EPHA3: variants seen among roughly 807,000 people sequenced by gnomAD.
EPHA3 encodes the protein ephrin type-A receptor 3.
EPHA3 carries 42 observed loss-of-function variants against 107.1 expected under a neutral mutation model. The ratio of observed to expected loss-of-function variants is 0.39; its 90% CI spans 0.31 to 0.51. The LOEUF is 0.51. Ranked by LOEUF, EPHA3 falls within the 20% of genes least tolerant of loss-of-function variation. The probability of loss-of-function intolerance (pLI) is 0.78; values close to 1 mark genes in which losing one functional copy is unlikely to be tolerated. For synonymous variants in EPHA3, 461 were observed against 424.8 expected (o/e 1.09, Z -1.05); for missense variants, 1,183 against 1,211.2 (o/e 0.98, Z 0.35).
At chr3:89,329,342 G>A (rs983485796) in intron 3 of EPHA3, among the ~76,000 whole-genome samples, 6 of 151,988 alleles carry the variant, frequency 3.9e-5, no homozygotes, top group Non-Finnish European at 7.4e-5. Flanking sequence ...CCAAGTCTGA[G>A]GTTATGTGAC....
At chr3:89,236,286 A>G (rs1023475706) in intron 3 of EPHA3, among the ~76,000 whole-genome samples, 3 of 152,112 alleles carry the variant, frequency 2.0e-5, no homozygotes, top group East Asian at 3.9e-4. Flanking sequence ...ATAAAGCACT[A>G]TTAAAACTAT....
chr3:89,307,261 C>T (rs1207374316), intron 3 of EPHA3, among the ~76,000 whole-genome samples: 2 of 152,164 alleles, frequency 1.3e-5, no homozygotes, highest in Non-Finnish European at 2.9e-5. Flanking sequence ...TTGTAGCCAG[C>T]ATCCATAACT....
intron 15 of EPHA3, among the ~76,000 whole-genome samples, chr3:89,453,696 G>C (rs1710041202): frequency 6.6e-6 from 1 of 151,958 alleles, no homozygotes; most frequent in African/African-American, 2.4e-5. Flanking sequence ...TAGAAAATTT[G>C]CTTTCCTACT....
chr3:89,399,424 C>G lies in EPHA3; in HGVS notation c.1538C>G (p.Thr513Arg), dbSNP rs2107508419. ...TIYVFQIRAR[T>R]AAGYGTNSRK... ...TACGTATTCCAAATCCGAGCCCGAA[C>G]AGCCGCTGGATATGGGACGAACAGC... Residue 513 changes from threonine (T) to arginine (R), a missense_variant, in exon 7 of 17, where the codon ACA becomes AGA. By Grantham distance (71) the Thr-to-Arg change is moderately conservative. Transcript: ENST00000336596. The G allele has an allele frequency of 6.2e-7, 1 of 1,614,132 alleles. No individual in the cohort carries two copies. Among genetic ancestry groups the G allele is most frequent in the East Asian group, 2.2e-5 (1 of 44,874 alleles).
chr3:89,288,968 T>C (rs1706151259), intron 3 of EPHA3, among the ~76,000 whole-genome samples: 1 of 152,182 alleles, frequency 6.6e-6, no homozygotes, highest in Non-Finnish European at 1.5e-5. Context: ...ACATTAAATA[T>C]ACTTTGACAA....
At chr3:89,393,123 G>T (rs759827114) in intron 5 of EPHA3, among the ~76,000 whole-genome samples, 1 of 152,140 alleles carries the variant, frequency 6.6e-6, no homozygotes, top group African/African-American at 2.4e-5. Context: ...AGCACAAGGG[G>T]CGTGTATTAA....
intron 5 of EPHA3, among the ~76,000 whole-genome samples, chr3:89,351,134 G>A (rs1707804527): frequency 6.6e-6 from 1 of 151,236 alleles, no homozygotes; most frequent in African/African-American, 2.4e-5. Context: ...TTGAACTGTG[G>A]TGGGCTCCAC....
chr3:89,362,253 AGGAAAGTCATTTCTTGTGATTCAG>A (rs1010237167), intron 5 of EPHA3, among the ~76,000 whole-genome samples: 7 of 151,174 alleles, frequency 4.6e-5, no homozygotes, highest in African/African-American at 1.7e-4. Flanking sequence ...ATGAAAAAGA[AGGAAAGTCATTTCTTGTGATTCAG>A]GCAGGAACTC....
chr3:89,409,472 AC>A (rs1457795969), intron 9 of EPHA3, among the ~76,000 whole-genome samples: 2 of 152,010 alleles, frequency 1.3e-5, no homozygotes, highest in Non-Finnish European at 2.9e-5. Context: ...CCTACATCTT[AC>A]GAATTTTGAG....
Position 89,431,343 on chromosome 3 carries a change from C to G in EPHA3, c.2330C>G (p.Ala777Gly), listed in dbSNP as rs34437982. The G allele has an allele frequency of 1.5e-3, 2,483 of 1,613,562 alleles. 5 individuals are homozygous for G. The highest frequency in any genetic ancestry group is 1.4e-3 in the Non-Finnish European group (1,695 of 1,179,810). ...CGTGTCCTGGAGGATGACCCAGAAGCTGCTTATACAACAAGAGTGAGTAAC... is the reference window on the plus strand; with the variant it reads ...CGTGTCCTGGAGGATGACCCAGAAGGTGCTTATACAACAAGAGTGAGTAAC... ...LSRVLEDDPE[A>G]AYTTRGGKIP... The change falls in exon 13 of 17, where the codon GCT (alanine) becomes GGT (glycine). Residue 777 changes from alanine to glycine, a missense_variant. Coordinates refer to ENST00000336596, the MANE Select transcript of EPHA3 (RefSeq NM_005233.6).
chr3:89,263,818 T>C (rs1050678400), intron 3 of EPHA3, among the ~76,000 whole-genome samples: 1 of 152,162 alleles, frequency 6.6e-6, no homozygotes, highest in African/African-American at 2.4e-5. Context: ...TTCAGGCTTT[T>C]TGGCTTGATG....
chr3:89,235,263 T>C (rs1704731285), intron 3 of EPHA3, among the ~76,000 whole-genome samples: 1 of 152,066 alleles, frequency 6.6e-6, no homozygotes, highest in Admixed American at 6.6e-5. Flanking sequence ...CACTCACTGA[T>C]AGATTTGTAG....
At chr3:89,320,817 C>G (rs1319866551) in intron 3 of EPHA3, among the ~76,000 whole-genome samples, 5 of 151,982 alleles carry the variant, frequency 3.3e-5, no homozygotes, top group African/African-American at 1.2e-4. Flanking sequence ...CAAAATTACC[C>G]TATTCATGTG....
intron 13 of EPHA3, among the ~76,000 whole-genome samples, chr3:89,438,148 G>A (rs911974358): frequency 1.1e-4 from 16 of 151,288 alleles, no homozygotes; most frequent in African/African-American, 3.4e-4. Context: ...TCACTCTGTC[G>A]CCCAGGCTGG....
At chr3:89,472,676 TGACATGA>T in intron 16 of EPHA3, 57 bp downstream of exon 16, 1 of 1,472,074 alleles carries the variant, frequency 6.8e-7, no homozygotes, top group Non-Finnish European at 9.1e-7. Context: ...TTTCTTGGCT[TGACATGA>T]AAGATTTGTA....
chr3:89,399,296 A>ATTTT, intron 6 of EPHA3, 22 bp from the exon 7 acceptor site: 1 of 1,570,282 alleles, frequency 6.4e-7, no homozygotes, highest in South Asian at 1.1e-5. Flanking sequence ...TTTAACATGA[A>ATTTT]TTTTTTTTTC....
Position 89,107,684 on chromosome 3 carries a change from C to T in EPHA3, c.-65C>T, listed in dbSNP as rs2106931669. On this transcript the variant is annotated 5_prime_UTR_variant, in exon 1 of 17. Transcript: ENST00000336596. The stretch of plus-strand genomic sequence containing the variant: ...TAACTTCTCCAGCAATCAGAGCGCT[C>T]CCCCTCACATCAGTGGCATGCTTCA... 6.9e-7 allele frequency: 1 copy of T among 1,441,702 alleles called. No homozygotes were observed. Among genetic ancestry groups the T allele is most frequent in the East Asian group, 2.3e-5 (1 of 43,712 alleles). The allele number at this position is 1,441,702 out of a possible 1,614,324, so 89.3% of individuals were successfully genotyped here.
intron 3 of EPHA3, among the ~76,000 whole-genome samples, chr3:89,276,552 A>G (rs1472052812): frequency 1.3e-5 from 2 of 152,160 alleles, no homozygotes; most frequent in Non-Finnish European, 2.9e-5. Flanking sequence ...ATGGCAATTT[A>G]AAATGTGCAT....
At chr3:89,428,596 C>T (rs184255514) in intron 11 of EPHA3, among the ~76,000 whole-genome samples, 37 of 152,030 alleles carry the variant, frequency 2.4e-4, no homozygotes, top group Admixed American at 2.2e-3. Context: ...TTGTAGAACT[C>T]GTGTAGAATC....
Sources: allele counts gnomAD v4.1 joint callset (sites outside exome capture counted in the v4.1 genomes callset), GRCh38; gene constraint gnomAD v4.1.1; transcripts MANE v1.5; gene names NCBI Gene and HGNC (gene_info 2026-07-23, HGNC 2026-07-21).